Variants in ECT2L observed in about 807,000 individuals in gnomAD.
ECT2L encodes epithelial cell-transforming sequence 2 oncogene-like.
Under a neutral mutation model 122.8 loss-of-function variants are expected in ECT2L, and 126 were observed. The observed-to-expected ratio is 1.03, with a 90% CI of 0.89 to 1.19. The LOEUF is 1.19. ECT2L is among the 50% of genes most tolerant of loss of function. ECT2L has a pLI of 0.00. For missense variants in ECT2L, 1,012 were observed against 1,064.1 expected (o/e 0.95, Z 0.68); for synonymous variants, 385 against 381.8 (o/e 1.01, Z -0.10).
intron 4 of ECT2L, among the ~76,000 whole-genome samples, chr6:138,828,354 C>A (rs1350295629): frequency 6.6e-6 from 1 of 152,144 alleles, no homozygotes; most frequent in African/African-American, 2.4e-5. Flanking sequence ...CTCCCCTCAC[C>A]CTTTTTCTTT....
At chr6:138,861,570 T>C (rs1307488143) in intron 10 of ECT2L, among the ~76,000 whole-genome samples, 1 of 152,202 alleles carries the variant, frequency 6.6e-6, no homozygotes, top group African/African-American at 2.4e-5. Context: ...CACATTTTGA[T>C]GGGGATTTTT....
intron 5 of ECT2L, 120 bp downstream of exon 5, chr6:138,838,634 C>A: frequency 1.0e-6 from 1 of 981,890 alleles, no homozygotes; most frequent in Non-Finnish European, 1.4e-6. Flanking sequence ...CCATCATTAA[C>A]TTACCCTTGA....
In ECT2L at chr6:138,858,792, A is replaced by G. The variant is rs59335915; in HGVS notation, c.1199-3835A>G. Among the ~76,000 whole-genome samples the G allele has an allele frequency of 7.7e-3, 1,080 of 139,980 alleles. 12 individuals are homozygous for G. The highest frequency in any genetic ancestry group is 0.027 in the African/African-American group (999 of 37,106). The allele number at this position is 139,980 out of a possible 152,430, so 91.8% of individuals were successfully genotyped here. A position where few individuals can be genotyped will look rare whatever the true frequency, so the allele number is the denominator to read the frequency against. On this transcript the variant is annotated intron_variant, in intron 10 of 21. Coordinates refer to ENST00000541398, the MANE Select transcript of ECT2L (RefSeq NM_001077706.3). ...GAAATCACGGCTCAGTGCAGCCTCA[A>G]CTTCCCGGGGTCAAGCGATCCTCCC...
intron 14 of ECT2L, among the ~76,000 whole-genome samples, chr6:138,876,978 G>A (rs1046960325): frequency 6.6e-6 from 1 of 152,146 alleles, no homozygotes; most frequent in Non-Finnish European, 1.5e-5. Context: ...AAGTGTGGAG[G>A]AAGCTGCAGC....
At chr6:138,808,699 A>C (rs1189628417) in intron 1 of ECT2L, among the ~76,000 whole-genome samples, 3 of 151,228 alleles carry the variant, frequency 2.0e-5, no homozygotes, top group African/African-American at 7.3e-5. Flanking sequence ...ATAATACATA[A>C]TGACAATTTA....
chr6:138,852,358 T>C (rs1279140638), intron 9 of ECT2L, among the ~76,000 whole-genome samples: 8 of 149,942 alleles, frequency 5.3e-5, no homozygotes, highest in Non-Finnish European at 1.0e-4. Context: ...GAGAAAGAGA[T>C]GATGAATGTT....
At chr6:138,827,984 C>T (rs1776513337) in intron 4 of ECT2L, among the ~76,000 whole-genome samples, 3 of 151,772 alleles carry the variant, frequency 2.0e-5, no homozygotes, top group South Asian at 2.1e-4. Flanking sequence ...ATGTGCACAA[C>T]GTGCAGGTTA....
At chr6:138,828,635 A>G (rs928431859) in intron 4 of ECT2L, among the ~76,000 whole-genome samples, 10 of 152,162 alleles carry the variant, frequency 6.6e-5, no homozygotes, top group Admixed American at 3.3e-4. Flanking sequence ...CTACCTCGTC[A>G]TTCCTTTTCT....
intron 20 of ECT2L, among the ~76,000 whole-genome samples, chr6:138,894,293 G>C (rs569166330): frequency 6.6e-6 from 1 of 152,174 alleles, no homozygotes; most frequent in East Asian, 1.9e-4. Context: ...TTGACCTTGT[G>C]ACCCACCCGC....
At chr6:138,846,708 T>A (rs767217102) in intron 8 of ECT2L, 31 bp downstream of exon 8, 1 of 1,432,318 alleles carries the variant, frequency 7.0e-7, no homozygotes, top group Non-Finnish European at 9.2e-7. Flanking sequence ...AGTCCTGTCC[T>A]GATTGTTTTT....
intron 1 of ECT2L, 48 bp downstream of exon 1, chr6:138,796,240 C>T (rs1034988969): frequency 6.6e-6 from 1 of 152,310 alleles, no homozygotes; most frequent in Non-Finnish European, 1.5e-5. Context: ...TGGGGCCGCC[C>T]GGGGCACATC....
intron 13 of ECT2L, among the ~76,000 whole-genome samples, chr6:138,875,120 G>A (rs1017669362): frequency 4.2e-4 from 64 of 152,274 alleles, no homozygotes; most frequent in African/African-American, 1.4e-3. Context: ...TCTCCTCCCT[G>A]GCTCCAAGCC....
chr6:138,830,759 T>C (rs1202561142), intron 4 of ECT2L, among the ~76,000 whole-genome samples: 3 of 152,214 alleles, frequency 2.0e-5, no homozygotes, highest in Admixed American at 2.0e-4. Flanking sequence ...TGTTGTTTAA[T>C]GACAAATCCT....
At chr6:138,888,452 C>G (rs141207438) in intron 19 of ECT2L, among the ~76,000 whole-genome samples, 1 of 148,982 alleles carries the variant, frequency 6.7e-6, no homozygotes, top group Non-Finnish European at 1.5e-5. Flanking sequence ...CTAGGACTAC[C>G]GGCATGCACC....
intron 4 of ECT2L, among the ~76,000 whole-genome samples, chr6:138,838,034 G>A (rs1279356832): frequency 6.6e-6 from 1 of 151,920 alleles, no homozygotes; most frequent in Non-Finnish European, 1.5e-5. Flanking sequence ...CCAAGTAGCT[G>A]GGATTACAGG....
intron 11 of ECT2L, among the ~76,000 whole-genome samples, chr6:138,863,651 C>T (rs143117397): frequency 9.3e-5 from 14 of 151,088 alleles, no homozygotes; most frequent in Non-Finnish European, 2.1e-4. Flanking sequence ...CACACTGTTG[C>T]CAGGCTGGAG....
At chr6:138,833,289 C>T (rs1776712634) in intron 4 of ECT2L, among the ~76,000 whole-genome samples, 1 of 152,158 alleles carries the variant, frequency 6.6e-6, no homozygotes, top group Admixed American at 6.5e-5. Flanking sequence ...TATAGATATG[C>T]CATAACTTAT....
intron 4 of ECT2L, among the ~76,000 whole-genome samples, chr6:138,829,976 G>A (rs972224718): frequency 1.2e-4 from 19 of 152,122 alleles, no homozygotes; most frequent in Admixed American, 3.9e-4. Flanking sequence ...TGCCAACCTC[G>A]GCCTCCCAAA....
chr6:138,877,035 ACT>A (rs1778476105), intron 14 of ECT2L, among the ~76,000 whole-genome samples: 1 of 152,214 alleles, frequency 6.6e-6, no homozygotes, highest in South Asian at 2.1e-4. Flanking sequence ...GCATGGGCAC[ACT>A]GTTTTGTTTT....
Sources: allele counts gnomAD v4.1 joint callset (sites outside exome capture counted in the v4.1 genomes callset), GRCh38; gene constraint gnomAD v4.1.1; transcripts MANE v1.5; gene names NCBI Gene and HGNC (gene_info 2026-07-23, HGNC 2026-07-21).